Variants in GPR143 observed in about 807,000 individuals in gnomAD.
GPR143 encodes the protein G-protein coupled receptor 143.
GPR143 carries 8 observed loss-of-function variants against 27.6 expected under a neutral mutation model. That is an observed-to-expected ratio of 0.29 (90% confidence interval 0.17 to 0.52). The LOEUF (loss-of-function observed/expected upper bound fraction) is 0.52. GPR143 is among the 20% of genes least tolerant of loss of function. GPR143 has a pLI of 0.96. For synonymous variants in GPR143, 156 were observed against 153.2 expected (o/e 1.02, Z -0.13); for missense variants, 303 against 343.1 (o/e 0.88, Z 0.92).
intron 2 of GPR143, among the ~76,000 whole-genome samples, chrX:9,760,325 C>T (rs910567530): frequency 3.6e-5 from 4 of 111,924 alleles, no homozygotes; most frequent in African/African-American, 1.3e-4. Flanking sequence ...CTCCTGGCCT[C>T]AAGTGATCCA....
At chrX:9,757,757 G>T (rs867159682) in intron 3 of GPR143, among the ~76,000 whole-genome samples, 2 of 110,468 alleles carry the variant, frequency 1.8e-5, no homozygotes, top group Non-Finnish European at 3.8e-5. Flanking sequence ...TGGGTTTTTT[G>T]TTGTTGTTGT....
intron 8 of GPR143, among the ~76,000 whole-genome samples, chrX:9,733,107 GATTGTGGGAGAAAGAA>G (rs893147053): frequency 4.5e-5 from 5 of 111,236 alleles, no homozygotes; most frequent in East Asian, 2.8e-4. Flanking sequence ...GAAAGATGGG[GATTGTGGGAGAAAGAA>G]ATTGTGGGAG....
chrX:9,755,199 C>T lies in GPR143; in HGVS notation c.455+4133G>A, dbSNP rs910011921. Reference sequence around the variant, plus strand: ...TTGGGATGCCGAGGCGGGTGGATCACCTGAGGTCAGGAGTTCGAGACCAGC... The same window carrying T: ...TTGGGATGCCGAGGCGGGTGGATCATCTGAGGTCAGGAGTTCGAGACCAGC... On this transcript the variant is annotated intron_variant, in intron 3 of 8. Coordinates refer to ENST00000467482, the MANE Select transcript of GPR143 (RefSeq NM_000273.3). Among the ~76,000 whole-genome samples the T allele has an allele frequency of 2.7e-5, 3 of 111,535 alleles. No individual in the cohort carries two copies. The Admixed American group carries it at 2.9e-4, about 11-fold the overall frequency.
chrX:9,737,495 T>A (rs1490133200), intron 8 of GPR143, among the ~76,000 whole-genome samples: 1 of 111,397 alleles, frequency 9.0e-6, no homozygotes, highest in East Asian at 2.8e-4. Flanking sequence ...GCCCTTTCCA[T>A]GTAAGGTCTG....
chrX:9,773,036 A>G (rs2083559669), intron 1 of GPR143, among the ~76,000 whole-genome samples: 1 of 110,940 alleles, frequency 9.0e-6, no homozygotes, highest in African/African-American at 3.3e-5. Flanking sequence ...CCACAAATAA[A>G]TGGACGAGTA....
intron 3 of GPR143, 152 bp downstream of exon 3, chrX:9,759,180 T>C (rs1457446748): frequency 4.1e-6 from 2 of 483,869 alleles, no homozygotes; most frequent in Non-Finnish European, 7.6e-6. Context: ...AAAAATGAGC[T>C]GCTGTGGATG....
chrX:9,771,271 G>A (rs1409642250), intron 1 of GPR143, among the ~76,000 whole-genome samples: 1 of 111,833 alleles, frequency 8.9e-6, no homozygotes, highest in Non-Finnish European at 1.9e-5. Flanking sequence ...ATGTTGCCCA[G>A]GCTGGTCTCG....
In GPR143 at chrX:9,728,274, A is replaced by G. The variant is rs907056131; in HGVS notation, c.1121-2434T>C. ...TCAGTACAGTCACATAGGTGCCTTG[A>G]CAGCAACGGGATGCAGCACTAGTAC... On this transcript the variant is annotated intron_variant, in intron 8 of 8. Transcript: ENST00000467482. 2.7e-5 allele frequency among the ~76,000 whole-genome samples: 3 copies of G among 110,491 alleles called. No individual in the cohort carries two copies. In the Admixed American group the frequency reaches 2.9e-4, roughly 11 times the overall value.
Position 9,765,757 on chromosome X carries a change from C to A in GPR143, c.61G>T (p.Val21Leu), listed in dbSNP as rs1327857672. Reference sequence around the variant, plus strand: ...AAGGCCCGCGGCTGGAAGCTCAGCACGAGCTGCGTGGCTGCGTCCCGCGTG... The same window carrying A: ...AAGGCCCGCGGCTGGAAGCTCAGCAAGAGCTGCGTGGCTGCGTCCCGCGTG... Reference protein sequence around the residue: ...CPTRDAATQLVLSFQPRAFHA... With the variant: ...CPTRDAATQLLLSFQPRAFHA... The change falls in exon 1 of 9, where the codon GTG becomes TTG. Residue 21 changes from valine (V) to leucine (L), a missense_variant. By Grantham distance (32) the Val-to-Leu change is conservative. Transcript: ENST00000467482. 5.3e-6 allele frequency: 6 copies of A among 1,124,551 alleles called. No homozygotes were observed. The highest frequency in any genetic ancestry group is 7.0e-6 in the Non-Finnish European group (6 of 857,075). 92.7% of individuals were successfully genotyped at this position (1,124,551 alleles called of 1,213,427 possible). A position where few individuals can be genotyped will look rare whatever the true frequency, so the allele number is the denominator to read the frequency against.
intron 3 of GPR143, among the ~76,000 whole-genome samples, chrX:9,752,031 C>T (rs776931552): frequency 7.1e-5 from 8 of 112,434 alleles, no homozygotes; most frequent in Non-Finnish European, 1.1e-4. Context: ...AAGTCAGGCT[C>T]GTAGCTGTGA....
chrX:9,755,183 C>T (rs1356841811), intron 3 of GPR143, among the ~76,000 whole-genome samples: 3 of 111,631 alleles, frequency 2.7e-5, no homozygotes, highest in South Asian at 3.7e-4. Context: ...TTTGGGATGC[C>T]GAGGCGGGTG....
At chrX:9,742,977 C>G in intron 6 of GPR143, among the ~76,000 whole-genome samples, 1 of 111,177 alleles carries the variant, frequency 9.0e-6, no homozygotes, top group Non-Finnish European at 1.9e-5. Context: ...TGTGGTGGCA[C>G]ACACCTGTAA....
At chrX:9,765,432 A>T in intron 1 of GPR143, 136 bp downstream of exon 1, 1 of 601,927 alleles carries the variant, frequency 1.7e-6, no homozygotes, top group Non-Finnish European at 2.2e-6. Flanking sequence ...TCTCGTCCTC[A>T]CTCCATCACG....
chrX:9,760,907 T>C (rs1157798829), intron 1 of GPR143, 81 bp from the exon 2 acceptor site: 33 of 525,815 alleles, frequency 6.3e-5, no homozygotes, highest in Non-Finnish European at 1.0e-4. Flanking sequence ...AAATGATAGA[T>C]ACATAATAGA....
chrX:9,758,053 T>G (rs2083480521), intron 3 of GPR143, among the ~76,000 whole-genome samples: 1 of 111,481 alleles, frequency 9.0e-6, no homozygotes, highest in Admixed American at 9.6e-5. Context: ...TGTAAGCCAC[T>G]GTGCCTGGCC....
At chrX:9,769,691 C>G (rs1035350492), upstream of GPR143, among the ~76,000 whole-genome samples, 3 of 111,365 alleles carry the variant, frequency 2.7e-5, no homozygotes, top group Admixed American at 1.9e-4. Context: ...AAGTGATTCT[C>G]CTGCCTCAGG....
intron 8 of GPR143, among the ~76,000 whole-genome samples, chrX:9,734,998 G>C (rs5979166): frequency 0.37 from 40,407 of 110,644 alleles, 7,803 homozygotes; most frequent in African/African-American, 0.73. Context: ...CTTCAGGATT[G>C]TCCCAGATCC....
chrX:9,739,307 A>G (rs1035719622), intron 8 of GPR143, among the ~76,000 whole-genome samples, 178 bp downstream of exon 8: 5 of 111,846 alleles, frequency 4.5e-5, no homozygotes, highest in African/African-American at 1.6e-4. Context: ...ATGTCTAGAA[A>G]GAGTTTTGGT....
At chrX:9,776,549 CT>C (rs145411367) in intron 1 of GPR143, among the ~76,000 whole-genome samples, 22 of 71,598 alleles carry the variant, frequency 3.1e-4, no homozygotes, top group Middle Eastern at 0.021. Context: ...CCATGCCTAG[CT>C]TTTTTTTTTT....
Sources: gnomAD v4.1 joint callset for allele counts (sites outside exome capture counted in the v4.1 genomes callset) on GRCh38, gnomAD v4.1.1 for gene constraint, MANE v1.5 for transcripts, NCBI Gene and HGNC (gene_info 2026-07-23, HGNC 2026-07-21) for gene names.